PDIA6: variants seen among roughly 807,000 people sequenced by gnomAD.
PDIA6 encodes the protein protein disulfide isomerase family A member 6.
PDIA6 carries 29 observed loss-of-function variants against 58.4 expected under a neutral mutation model. That is an observed-to-expected ratio of 0.50 (90% confidence interval 0.37 to 0.68). The LOEUF (loss-of-function observed/expected upper bound fraction) is 0.68. Ranked by LOEUF, PDIA6 falls within the 30% of genes least tolerant of loss-of-function variation. The pLI is 0.00. For synonymous variants in PDIA6, 192 were observed against 202.6 expected (o/e 0.95, Z 0.44); for missense variants, 480 against 551.0 (o/e 0.87, Z 1.29).
intron 7 of PDIA6, among the ~76,000 whole-genome samples, 182 bp downstream of exon 7, chr2:10,790,537 G>A (rs552137957): frequency 5.9e-5 from 9 of 152,270 alleles, no homozygotes; most frequent in African/African-American, 1.4e-4. Context: ...GACATTAGGG[G>A]GAAAAGTTGA....
At chr2:10,825,689 G>C (rs1473189060) in intron 1 of PDIA6, among the ~76,000 whole-genome samples, 1 of 152,130 alleles carries the variant, frequency 6.6e-6, no homozygotes, top group African/African-American at 2.4e-5. Flanking sequence ...ATTTCTCCAA[G>C]GAAGACATAG....
intron 5 of PDIA6, 81 bp from the exon 6 acceptor site, chr2:10,792,006 C>T: frequency 7.1e-7 from 1 of 1,400,098 alleles, no homozygotes; most frequent in South Asian, 1.3e-5. Context: ...ACTACTGCTA[C>T]ATCTTAACAA....
At chr2:10,792,108 A>C (rs746852488) in intron 5 of PDIA6, among the ~76,000 whole-genome samples, 183 bp from the exon 6 acceptor site, 6 of 152,272 alleles carry the variant, frequency 3.9e-5, no homozygotes, top group Admixed American at 6.5e-5. Context: ...TTGCTTGGCA[A>C]ATAGTCTTTT....
upstream of PDIA6, chr2:10,812,873 C>T (rs1048836412): frequency 1.3e-4 from 149 of 1,159,500 alleles, no homozygotes; most frequent in Non-Finnish European, 1.5e-4. Context: ...GCTCATTGGT[C>T]CGGGCGGACA....
At chr2:10,788,656 GC>G (rs1376990924) in intron 10 of PDIA6, 40 bp downstream of exon 10, 1 of 1,309,858 alleles carries the variant, frequency 7.6e-7, no homozygotes, top group Non-Finnish European at 1.1e-6. Context: ...CCTATAATCA[GC>G]TGTTCAGATG....
At chr2:10,818,983 C>T (rs1667303138) in intron 2 of PDIA6, among the ~76,000 whole-genome samples, 1 of 152,140 alleles carries the variant, frequency 6.6e-6, no homozygotes, top group South Asian at 2.1e-4. Context: ...AACTGTCATC[C>T]TACTTTCTGT....
upstream of PDIA6, chr2:10,812,838 AG>A (rs1667069558): frequency 1.7e-6 from 2 of 1,170,696 alleles, no homozygotes; most frequent in African/African-American, 3.2e-5. Flanking sequence ...GCGGGCCGGA[AG>A]GCGCTCGCCA....
chr2:10,792,645 T>C (rs771689260), intron 5 of PDIA6, among the ~76,000 whole-genome samples: 4 of 152,244 alleles, frequency 2.6e-5, no homozygotes, highest in East Asian at 1.9e-4. Flanking sequence ...AACACCAATC[T>C]GCTCCTCTCT....
In PDIA6 at chr2:10,823,566, G is replaced by T. The variant is rs949275209; in HGVS notation, c.-47-4212C>A. Among the ~76,000 whole-genome samples, 5 of 152,182 alleles carry T rather than the reference G, an allele frequency of 3.3e-5. No homozygotes were observed. In the East Asian group the frequency reaches 9.6e-4, roughly 29 times the overall value. On this transcript the variant is annotated intron_variant, in intron 1 of 13. Transcript: ENST00000381611. ...CATCACCAGCTCCCAACATTCTTTG[G>T]CAATTTCTGATAATTCGAGCACCAA... is the stretch of plus-strand genomic sequence containing the variant.
At chr2:10,835,079 A>G (rs1210185881), upstream of PDIA6, among the ~76,000 whole-genome samples, 1 of 152,096 alleles carries the variant, frequency 6.6e-6, no homozygotes, top group Non-Finnish European at 1.5e-5. Flanking sequence ...AGAGTGAACT[A>G]ATTTCATAGC....
chr2:10,814,650 T>C (rs1374454030), upstream of PDIA6, among the ~76,000 whole-genome samples: 1 of 152,232 alleles, frequency 6.6e-6, no homozygotes, highest in Non-Finnish European at 1.5e-5. Context: ...TGGAAAGTCA[T>C]GCTTTTCCTC....
intron 2 of PDIA6, among the ~76,000 whole-genome samples, chr2:10,818,491 T>C (rs1223552958): frequency 1.0e-5 from 1 of 100,498 alleles, no homozygotes; most frequent in Non-Finnish European, 2.1e-5. Flanking sequence ...AATTTATTTA[T>C]TTATTTATTT....
chr2:10,803,753 T>C (rs1402929253), intron 1 of PDIA6, among the ~76,000 whole-genome samples: 1 of 152,142 alleles, frequency 6.6e-6, no homozygotes, highest in Non-Finnish European at 1.5e-5. Context: ...AATTTACATA[T>C]ACAGTCACAT....
intron 1 of PDIA6, among the ~76,000 whole-genome samples, chr2:10,827,870 TA>T (rs1054744258): frequency 2.7e-5 from 4 of 150,322 alleles, no homozygotes; most frequent in East Asian, 2.0e-4. Context: ...AGAACTAGAG[TA>T]AAAAAAAAGT....
At chr2:10,812,811 G>T (rs925224809), upstream of PDIA6, 2 of 1,191,922 alleles carry the variant, frequency 1.7e-6, no homozygotes, top group Non-Finnish European at 2.1e-6. Flanking sequence ...GGTGGTCCGA[G>T]GGGCGGCCGC....
chr2:10,807,209 C>A (rs7594143), intron 1 of PDIA6, among the ~76,000 whole-genome samples: 1 of 152,140 alleles, frequency 6.6e-6, no homozygotes, highest in Non-Finnish European at 1.5e-5. Context: ...GAAATAAATA[C>A]ACTTTTTAAT....
Position 10,797,749 on chromosome 2 carries a change from T to C in PDIA6, c.170A>G (p.His57Arg), listed in dbSNP as rs756642636. The C allele has an allele frequency of 1.2e-6, 2 of 1,611,918 alleles. No homozygotes were observed. The highest frequency in any genetic ancestry group is 1.3e-5 in the African/African-American group (1 of 74,952). The change falls in exon 3 of 13, where the codon CAC (histidine) becomes CGC (arginine). Residue 57 changes from histidine to arginine, a missense_variant. Physicochemically the swap from His to Arg is conservative, Grantham distance 29 (BLOSUM62 0). Transcript: ENST00000272227. ...LVEFYAPWCG[H>R]CQRLTPEWKK... ...CCATTCTGGTGTTAATCTTTGACAG[T>C]GACCACACCTTTTGGGGGAAGACAA... is the stretch of plus-strand genomic sequence containing the variant.
Position 10,812,737 on chromosome 2 carries a change from G to T in PDIA6, c.-41C>A. Reference sequence around the variant, plus strand: ...ACGTGCAGTCCCCACCGCCGCCGCCGCTTCAGCCCTGCAGCGTGCCGCACG... The same window carrying T: ...ACGTGCAGTCCCCACCGCCGCCGCCTCTTCAGCCCTGCAGCGTGCCGCACG... On this transcript the variant is annotated 5_prime_UTR_variant, in exon 1 of 13. Coordinates refer to ENST00000272227, the MANE Select transcript of PDIA6 (RefSeq NM_005742.4). 6.7e-7 allele frequency: 1 copy of T among 1,481,578 alleles called. No individual in the cohort carries two copies. Among genetic ancestry groups the T allele is most frequent in the South Asian group, 1.2e-5 (1 of 80,046 alleles). The allele number at this position is 1,481,578 out of a possible 1,614,324, so 91.8% of individuals were successfully genotyped here. A position where few individuals can be genotyped will look rare whatever the true frequency, so the allele number is the denominator to read the frequency against.
chr2:10,808,294 G>T (rs546835611), intron 1 of PDIA6, among the ~76,000 whole-genome samples: 1 of 152,308 alleles, frequency 6.6e-6, no homozygotes, highest in East Asian at 1.9e-4. Context: ...AGATAAAGTA[G>T]CAAAGACTTA....
Sources: gnomAD v4.1 joint callset for allele counts (sites outside exome capture counted in the v4.1 genomes callset) on GRCh38, gnomAD v4.1.1 for gene constraint, MANE v1.5 for transcripts, NCBI Gene and HGNC (gene_info 2026-07-23, HGNC 2026-07-21) for gene names.